CBFA2T3: variants seen among roughly 807,000 people sequenced by gnomAD.
CBFA2T3 encodes the protein transcriptional corepressor CBFA2T3.
In CBFA2T3, 31 loss-of-function variants were observed where a neutral mutation model predicts 58.6. The ratio of observed to expected loss-of-function variants is 0.53; its 90% CI spans 0.40 to 0.71. The LOEUF is 0.71. Ranked by LOEUF, CBFA2T3 falls within the 30% of genes least tolerant of loss-of-function variation. The pLI is 0.00. For synonymous variants in CBFA2T3, 531 were observed against 421.9 expected (o/e 1.26, Z -3.17); for missense variants, 1,076 against 963.1 (o/e 1.12, Z -1.55).
At chr16:88,893,261 CTCCCCACACACAGGCG>C (rs1476711398) in intron 3 of CBFA2T3, among the ~76,000 whole-genome samples, 2 of 147,448 alleles carry the variant, frequency 1.4e-5, no homozygotes, top group South Asian at 4.3e-4. Flanking sequence ...AGCAATGTGC[CTCCCCACACACAGGCG>C]CCTCCCAGCC....
At chr16:88,910,469 T>C (rs1970496818) in intron 1 of CBFA2T3, among the ~76,000 whole-genome samples, 1 of 152,134 alleles carries the variant, frequency 6.6e-6, no homozygotes, top group Non-Finnish European at 1.5e-5. Flanking sequence ...ACTTGCTGCG[T>C]GGTGACTGAG....
In CBFA2T3 at chr16:88,958,904, C is replaced by A. The variant is rs1367772288; in HGVS notation, c.151+17753G>T. ...TGTACCGCCTCTGCCGCCCTTTTCC[C>A]TTTGCCTCCATGGAGCGGGCCTGAG... is the stretch of plus-strand genomic sequence containing the variant. On this transcript the variant is annotated intron_variant, in intron 1 of 11. Coordinates refer to ENST00000268679, the MANE Select transcript of CBFA2T3 (RefSeq NM_005187.6). This position sits in a 1 kb window ranked among gnomAD's most constrained non-coding sequence, Gnocchi z 4.0. Among the ~76,000 whole-genome samples, 2 of 152,206 alleles carry A rather than the reference C, an allele frequency of 1.3e-5. No individual in the cohort carries two copies. Among genetic ancestry groups the A allele is most frequent in the African/African-American group, 2.4e-5 (1 of 41,450 alleles).
intron 1 of CBFA2T3, chr16:88,941,973 C>T (rs1384955954): frequency 1.3e-5 from 2 of 151,552 alleles, no homozygotes; most frequent in African/African-American, 2.4e-5. Flanking sequence ...CCGGGGCCAC[C>T]TCCGTGCGTG....
chr16:88,937,317 C>G (rs999446826), intron 1 of CBFA2T3: 2 of 152,316 alleles, frequency 1.3e-5, no homozygotes, highest in African/African-American at 2.4e-5. Context: ...GCCCTGACAC[C>G]AGGGATGGTG....
intron 1 of CBFA2T3, among the ~76,000 whole-genome samples, chr16:88,973,060 A>G (rs1432194536): frequency 1.3e-5 from 2 of 152,190 alleles, no homozygotes; most frequent in African/African-American, 2.4e-5. Flanking sequence ...AGCCCAGCAG[A>G]CACAGGGCCT....
intron 1 of CBFA2T3, among the ~76,000 whole-genome samples, chr16:88,952,935 ACCCCCACGCAGGGC>A (rs1355233264): frequency 4.3e-5 from 6 of 138,822 alleles, no homozygotes; most frequent in African/African-American, 1.7e-4. Flanking sequence ...CATGTCCAGG[ACCCCCACGCAGGGC>A]CTGTGTCGAG....
chr16:88,966,588 G>A (rs769622647), intron 1 of CBFA2T3, among the ~76,000 whole-genome samples: 2 of 152,116 alleles, frequency 1.3e-5, no homozygotes, highest in East Asian at 1.9e-4. Flanking sequence ...CCTGCCCAGC[G>A]CCCAGCTTCC....
chr16:88,935,078 G>A (rs1170064858), intron 1 of CBFA2T3, among the ~76,000 whole-genome samples: 4 of 152,244 alleles, frequency 2.6e-5, no homozygotes, highest in African/African-American at 9.6e-5. Context: ...AGGCCACGTG[G>A]TGGAGCTGCA....
At chr16:88,889,750 G>A (rs1162677758) in intron 5 of CBFA2T3, among the ~76,000 whole-genome samples, 6 of 140,532 alleles carry the variant, frequency 4.3e-5, no homozygotes, top group African/African-American at 8.1e-5. Context: ...ATCCCTGGAC[G>A]ACGCCCCGCG....
At chr16:88,881,721 G>A (rs562585895) in intron 8 of CBFA2T3, 79 of 489,622 alleles carry the variant, frequency 1.6e-4, no homozygotes, top group African/African-American at 1.4e-3. Flanking sequence ...GTGCCTAGAC[G>A]CACGCAGGAG....
intron 1 of CBFA2T3, among the ~76,000 whole-genome samples, chr16:88,961,988 A>G (rs7197727): frequency 0.051 from 5,707 of 111,108 alleles, 120 homozygotes; most frequent in Middle Eastern, 0.12. Flanking sequence ...GACACTCAGC[A>G]CTGGGCATTC....
At chr16:88,952,140 T>C (rs1489936896) in intron 1 of CBFA2T3, among the ~76,000 whole-genome samples, 1 of 152,162 alleles carries the variant, frequency 6.6e-6, no homozygotes, top group Non-Finnish European at 1.5e-5. Flanking sequence ...ACAGGCTCGC[T>C]ACTATGCAGA....
At chr16:88,933,335 C>G (rs878943721) in intron 1 of CBFA2T3, among the ~76,000 whole-genome samples, 1 of 110,652 alleles carries the variant, frequency 9.0e-6, no homozygotes, top group Non-Finnish European at 1.9e-5. Flanking sequence ...CAGTGCCACA[C>G]GTCTGCACGC....
At chr16:88,911,196 C>T (rs974314949) in intron 1 of CBFA2T3, among the ~76,000 whole-genome samples, 10 of 152,268 alleles carry the variant, frequency 6.6e-5, no homozygotes, top group Admixed American at 6.5e-5. Context: ...TCCTGCTGCC[C>T]TTCCCGCCGT....
intron 1 of CBFA2T3, among the ~76,000 whole-genome samples, chr16:88,921,379 C>A (rs1336630493): frequency 6.6e-6 from 1 of 152,256 alleles, no homozygotes; most frequent in African/African-American, 2.4e-5. Context: ...TGCCACGCCG[C>A]CCCACCCCAG....
chr16:88,893,372 C>T (rs571574270), intron 3 of CBFA2T3, among the ~76,000 whole-genome samples: 4 of 152,126 alleles, frequency 2.6e-5, no homozygotes, highest in Admixed American at 2.6e-4. Flanking sequence ...AGAGCAATGT[C>T]CCTCCTACAA....
In CBFA2T3 at chr16:88,898,141, C is replaced by G; in HGVS notation, c.316G>C (p.Gly106Arg). ...CGGCCGTGGGGCAGCGTCGCAGGCC[C>G]GTCCTCTCGATCTGTAAGCAAAATA... ...SFTPHTHRED[G>R]PATLPHGRFH... The change falls in exon 3 of 12, where the codon GGG (glycine) becomes CGG (arginine). Residue 106 changes from glycine (G) to arginine (R), a missense_variant. By Grantham distance (125) the Gly-to-Arg change is moderately radical. Coordinates refer to ENST00000268679, the MANE Select transcript of CBFA2T3 (RefSeq NM_005187.6). 1 of 1,612,492 alleles carries G rather than the reference C, an allele frequency of 6.2e-7. No individual in the cohort carries two copies. The highest frequency in any genetic ancestry group is 1.3e-5 in the African/African-American group (1 of 75,032).
At chr16:88,961,312 C>G (rs1031749182) in intron 1 of CBFA2T3, among the ~76,000 whole-genome samples, 3 of 152,162 alleles carry the variant, frequency 2.0e-5, no homozygotes, top group African/African-American at 7.2e-5. Context: ...GCATAGTAAC[C>G]GACACTCACC....
At chr16:88,967,037 C>G (rs747360948) in intron 1 of CBFA2T3, among the ~76,000 whole-genome samples, 6 of 152,176 alleles carry the variant, frequency 3.9e-5, no homozygotes, top group Admixed American at 3.9e-4. Flanking sequence ...TTGTTTGTAG[C>G]ACGGGAAATT....
Sources: allele counts gnomAD v4.1 joint callset (sites outside exome capture counted in the v4.1 genomes callset), GRCh38; gene constraint gnomAD v4.1.1; non-coding constraint Gnocchi (gnomAD v3.1); transcripts MANE v1.5; gene names NCBI Gene and HGNC (gene_info 2026-07-23, HGNC 2026-07-21).